Variants in UBR3 observed in about 807,000 individuals in gnomAD.
UBR3 encodes the protein E3 ubiquitin-protein ligase UBR3.
Under a neutral mutation model 243.2 loss-of-function variants are expected in UBR3, and 85 were observed. The observed-to-expected ratio is 0.35, with a 90% CI of 0.29 to 0.42. The LOEUF (loss-of-function observed/expected upper bound fraction) is 0.42. UBR3 is among the 10% of genes least tolerant of loss of function. The probability of loss-of-function intolerance (pLI) is 1.00; values close to 1 mark genes in which losing one functional copy is unlikely to be tolerated. For missense variants in UBR3, 1,686 were observed against 2,300.8 expected (o/e 0.73, Z 5.47); for synonymous variants, 748 against 799.8 (o/e 0.94, Z 1.09).
chr2:169,972,242 T>C (rs2088190577), intron 24 of UBR3, among the ~76,000 whole-genome samples: 1 of 152,062 alleles, frequency 6.6e-6, no homozygotes. Context: ...AATAGACCAA[T>C]AACAGGAGCT....
At chr2:169,874,255 G>A (rs959959308) in intron 2 of UBR3, among the ~76,000 whole-genome samples, 8 of 151,320 alleles carry the variant, frequency 5.3e-5, no homozygotes, top group East Asian at 1.9e-4. Flanking sequence ...CGCAGCCTCC[G>A]CCTCCTGGGT....
At chr2:169,874,526 G>T (rs1242379466) in intron 2 of UBR3, among the ~76,000 whole-genome samples, 1 of 152,096 alleles carries the variant, frequency 6.6e-6, no homozygotes, top group African/African-American at 2.4e-5. Flanking sequence ...TTAAAGAAAG[G>T]TCTTGCAATA....
chr2:169,961,863 T>C (rs1243031929), intron 24 of UBR3, among the ~76,000 whole-genome samples: 1 of 145,300 alleles, frequency 6.9e-6, no homozygotes, highest in Non-Finnish European at 1.5e-5. Context: ...ACTATGAGAA[T>C]TTTTTCCCAT....
At chr2:169,898,268 A>C (rs1478808491) in intron 8 of UBR3, among the ~76,000 whole-genome samples, 1 of 152,182 alleles carries the variant, frequency 6.6e-6, no homozygotes, top group Non-Finnish European at 1.5e-5. Flanking sequence ...TTATACTGAT[A>C]ATCTGTCTGT....
At chr2:170,031,586 A>T (rs1445847388) in intron 31 of UBR3, among the ~76,000 whole-genome samples, 1 of 152,086 alleles carries the variant, frequency 6.6e-6, no homozygotes, top group Non-Finnish European at 1.5e-5. Context: ...ACATGATTAT[A>T]TTGCAAGATG....
chr2:169,995,990 T>C (rs1329320570), intron 26 of UBR3, among the ~76,000 whole-genome samples: 1 of 152,186 alleles, frequency 6.6e-6, no homozygotes, highest in Non-Finnish European at 1.5e-5. Flanking sequence ...TAAAACATTA[T>C]TTTTAGTTAG....
At chr2:169,932,545 T>G (rs2086174858) in intron 18 of UBR3, among the ~76,000 whole-genome samples, 2 of 152,168 alleles carry the variant, frequency 1.3e-5, no homozygotes, top group Non-Finnish European at 2.9e-5. Context: ...ACTAGAGGTG[T>G]AAGGCATCAT....
Position 169,986,787 on chromosome 2 carries a change from A to T in UBR3, c.3777A>T (p.Ala1259=), listed in dbSNP as rs772516630. The stretch of plus-strand genomic sequence containing the variant: ...CTGGATTAGTTGTACTGTTACAAGC[A>T]TCCTCAGGTAAAATCAAAGTAATTT... ...RPTGLVVLLQ[A]SSVLGQCRDN... The change falls in exon 25 of 39, where the codon GCA becomes GCT. Residue 1259 remains alanine, a synonymous_variant. Coordinates refer to ENST00000272793, the MANE Select transcript of UBR3 (RefSeq NM_172070.4). 1.5e-5 allele frequency: 24 copies of T among 1,613,810 alleles called. No homozygotes were observed. The South Asian group carries it at 2.6e-4, about 18-fold the overall frequency.
intron 1 of UBR3, among the ~76,000 whole-genome samples, chr2:169,857,692 G>A (rs758470370): frequency 5.3e-5 from 8 of 151,564 alleles, no homozygotes; most frequent in Non-Finnish European, 1.0e-4. Flanking sequence ...CTCCCAAAGC[G>A]CTGGGATTAC....
chr2:170,006,363 G>T (rs1035454542), intron 27 of UBR3, among the ~76,000 whole-genome samples: 2 of 152,172 alleles, frequency 1.3e-5, no homozygotes, highest in African/African-American at 4.8e-5. Context: ...GATTTAGGAA[G>T]ATATGTTGTT....
intron 19 of UBR3, among the ~76,000 whole-genome samples, chr2:169,939,084 C>A (rs1017742767): frequency 6.6e-6 from 1 of 150,738 alleles, no homozygotes; most frequent in Non-Finnish European, 1.5e-5. Context: ...AAAAATCTTC[C>A]TTGTGTTTTT....
intron 25 of UBR3, among the ~76,000 whole-genome samples, chr2:169,993,423 T>C (rs2089362789): frequency 6.6e-6 from 1 of 152,212 alleles, no homozygotes; most frequent in African/African-American, 2.4e-5. Flanking sequence ...ATGTATTGTT[T>C]TTCATTATCA....
chr2:169,952,507 C>T (rs2087080657), intron 23 of UBR3, among the ~76,000 whole-genome samples: 1 of 152,006 alleles, frequency 6.6e-6, no homozygotes, highest in South Asian at 2.1e-4. Context: ...CCATCCTGGC[C>T]AACATGGTGA....
intron 36 of UBR3, among the ~76,000 whole-genome samples, chr2:170,079,601 C>T (rs1279230196): frequency 6.6e-6 from 1 of 152,036 alleles, no homozygotes; most frequent in African/African-American, 2.4e-5. Context: ...TTAAATCATA[C>T]TGTAATTGGA....
At chr2:169,992,330 A>G (rs187594744) in intron 25 of UBR3, among the ~76,000 whole-genome samples, 1 of 152,350 alleles carries the variant, frequency 6.6e-6, no homozygotes, top group Admixed American at 6.5e-5. Context: ...TCAGTCATTT[A>G]AAGAATTAAC....
chr2:169,940,841 G>T (rs187910840), intron 19 of UBR3, among the ~76,000 whole-genome samples: 1 of 152,182 alleles, frequency 6.6e-6, no homozygotes, highest in East Asian at 1.9e-4. Flanking sequence ...AATATTAAAT[G>T]GAAAATTCCA....
chr2:169,840,055 T>C (rs1479645168), intron 1 of UBR3, among the ~76,000 whole-genome samples: 1 of 152,186 alleles, frequency 6.6e-6, no homozygotes, highest in Non-Finnish European at 1.5e-5. Flanking sequence ...GTTGTGCTTA[T>C]CTGGGAGGGA....
At chr2:169,837,368 C>T (rs965302862) in intron 1 of UBR3, among the ~76,000 whole-genome samples, 7 of 152,076 alleles carry the variant, frequency 4.6e-5, no homozygotes, top group Admixed American at 2.6e-4. Context: ...CCCAGCTTCT[C>T]GGGAGGCTGA....
chr2:169,862,785 T>C (rs1446992184), intron 1 of UBR3, among the ~76,000 whole-genome samples: 1 of 152,208 alleles, frequency 6.6e-6, no homozygotes, highest in Non-Finnish European at 1.5e-5. Context: ...GATAATTTTG[T>C]TAAAATTTAG....
Sources: gnomAD v4.1 joint callset for allele counts (sites outside exome capture counted in the v4.1 genomes callset) on GRCh38, gnomAD v4.1.1 for gene constraint, MANE v1.5 for transcripts, NCBI Gene and HGNC (gene_info 2026-07-23, HGNC 2026-07-21) for gene names.